Variants in AHI1 observed in about 807,000 individuals in gnomAD.
AHI1 encodes the protein Abelson helper integration site 1.
A neutral mutation model predicts 149.3 loss-of-function variants in AHI1; 123 were observed. That is an observed-to-expected ratio of 0.82 (90% CI 0.71 to 0.96). The LOEUF (loss-of-function observed/expected upper bound fraction) is 0.96, where lower values mean the gene tolerates loss of function less well. AHI1 is among the 40% of genes least tolerant of loss of function. AHI1 has a pLI of 0.00. For missense variants in AHI1, 1,439 were observed against 1,422.7 expected (o/e 1.01, Z -0.18); for synonymous variants, 475 against 459.8 (o/e 1.03, Z -0.42).
At chr6:135,340,560 A>G (rs541385153) in intron 24 of AHI1, among the ~76,000 whole-genome samples, 1 of 150,578 alleles carries the variant, frequency 6.6e-6, no homozygotes, top group Non-Finnish European at 1.5e-5. Context: ...GAAATGAAAG[A>G]GCACTGACAG....
intron 11 of AHI1, among the ~76,000 whole-genome samples, chr6:135,453,081 A>G (rs1403340530): frequency 6.6e-6 from 1 of 152,212 alleles, no homozygotes; most frequent in African/African-American, 2.4e-5. Flanking sequence ...TTTGAACTGA[A>G]TAAATAATGG....
chr6:135,341,512 T>G (rs1188894934), intron 24 of AHI1, among the ~76,000 whole-genome samples: 1 of 152,024 alleles, frequency 6.6e-6, no homozygotes, highest in East Asian at 1.9e-4. Context: ...ATGCTTCACT[T>G]AACAAAAGCA....
chr6:135,404,970 A>G lies in AHI1; in HGVS notation c.2969T>C (p.Ile990Thr). Reference sequence around the variant, plus strand: ...ACTTACTTTTGCAGCACAGGAACGTATCACCTCCTAAAAGAAATACAATAA... The same window carrying G: ...ACTTACTTTTGCAGCACAGGAACGTGTCACCTCCTAAAAGAAATACAATAA... ...KQRLETVTEV[I>T]RSCAAKVNKN... Residue 990 changes from isoleucine (I) to threonine (T), a missense_variant, in exon 22 of 29, where the codon ATA becomes ACA. By Grantham distance (89) the Ile-to-Thr change is moderately conservative. Transcript: ENST00000265602. 1 of 1,607,466 alleles carries G rather than the reference A, an allele frequency of 6.2e-7. No individual in the cohort carries two copies. Among genetic ancestry groups the G allele is most frequent in the Non-Finnish European group, 8.5e-7 (1 of 1,174,760 alleles).
intron 22 of AHI1, among the ~76,000 whole-genome samples, chr6:135,395,105 A>C (rs1433967618): frequency 6.6e-6 from 1 of 152,030 alleles, no homozygotes; most frequent in African/African-American, 2.4e-5. Context: ...GAACATAGCT[A>C]TATGAAAATA....
At chr6:135,336,520 C>A (rs553104460) in intron 24 of AHI1, among the ~76,000 whole-genome samples, 6 of 152,148 alleles carry the variant, frequency 3.9e-5, no homozygotes, top group Non-Finnish European at 8.8e-5. Context: ...ATAGCTTGAG[C>A]CCTGGAAGTC....
intron 5 of AHI1, among the ~76,000 whole-genome samples, chr6:135,475,483 T>C (rs952702482): frequency 2.6e-5 from 4 of 152,226 alleles, no homozygotes; most frequent in South Asian, 2.1e-4. Context: ...AGAAAGCTTA[T>C]GTTAGCAATG....
intron 18 of AHI1, among the ~76,000 whole-genome samples, 186 bp from the exon 19 acceptor site, chr6:135,428,945 G>T (rs1383337801): frequency 6.6e-6 from 1 of 151,598 alleles, no homozygotes. Flanking sequence ...AGAGCCCAGG[G>T]AGTTTATAAT....
intron 22 of AHI1, among the ~76,000 whole-genome samples, chr6:135,399,520 C>T (rs1779722377): frequency 6.6e-6 from 1 of 152,064 alleles, no homozygotes; most frequent in Admixed American, 6.6e-5. Context: ...TTCTGGGGAG[C>T]CATCTTCTCT....
intron 23 of AHI1, among the ~76,000 whole-genome samples, chr6:135,385,246 A>G (rs1389202140): frequency 1.3e-5 from 2 of 151,996 alleles, no homozygotes; most frequent in East Asian, 1.9e-4. Flanking sequence ...TCACTGGCAT[A>G]TGAGTTAAAG....
At chr6:135,358,302 A>T in intron 23 of AHI1, 115 bp from the exon 24 acceptor site, 2 of 900,934 alleles carry the variant, frequency 2.2e-6, no homozygotes, top group Non-Finnish European at 3.5e-6. Flanking sequence ...AGCTTCCAAG[A>T]AAAAAGTCTC....
At chr6:135,351,023 G>A (rs1392411008) in intron 24 of AHI1, among the ~76,000 whole-genome samples, 1 of 151,796 alleles carries the variant, frequency 6.6e-6, no homozygotes, top group African/African-American at 2.4e-5. Context: ...AGGGTTGCCC[G>A]AGATAGTCCC....
intron 23 of AHI1, among the ~76,000 whole-genome samples, chr6:135,376,177 T>C (rs1210666164): frequency 1.3e-5 from 2 of 152,052 alleles, no homozygotes; most frequent in Non-Finnish European, 2.9e-5. Context: ...GAAAACACCA[T>C]TTTGTATCCT....
chr6:135,415,138 T>C (rs112357869), intron 20 of AHI1, among the ~76,000 whole-genome samples: 1 of 152,020 alleles, frequency 6.6e-6, no homozygotes, highest in Non-Finnish European at 1.5e-5. Flanking sequence ...ACAAAGAACA[T>C]GAACTCATCA....
intron 28 of AHI1, among the ~76,000 whole-genome samples, chr6:135,285,957 G>A (rs1038814612): frequency 6.6e-6 from 1 of 152,098 alleles, no homozygotes. Context: ...CAAACCATAA[G>A]TAACTTCCAG....
chr6:135,385,131 T>C (rs1251430106), intron 23 of AHI1, among the ~76,000 whole-genome samples: 4 of 152,020 alleles, frequency 2.6e-5, no homozygotes, highest in Non-Finnish European at 1.5e-5. Context: ...TGAAATAAAA[T>C]TAAAAATTTA....
chr6:135,428,702 A>C lies in AHI1; in HGVS notation c.2550T>G (p.Thr850=). The C allele has an allele frequency of 6.2e-7, 1 of 1,608,626 alleles. No individual in the cohort carries two copies. Residue 850 remains threonine, a synonymous_variant, in exon 19 of 29, where the codon ACT becomes ACG. Transcript: ENST00000265602. ...AANYREKIHS[T]LTPCGTFLFA... is the part of the protein sequence containing the mutation. ...ACAGAAAAGTCCCACATGGAGTCAA[A>C]GTACTATGAATCTTCTCCCGATAAT...
rs1025580752 is a variant in AHI1 at position 135,370,675 on chromosome 6, C to T, written c.3110-12488G>A. Among the ~76,000 whole-genome samples the T allele has an allele frequency of 2.0e-5, 3 of 152,322 alleles. No homozygotes were observed. The East Asian group carries it at 5.8e-4, about 29-fold the overall frequency. On this transcript the variant is annotated intron_variant, in intron 23 of 28. Transcript: ENST00000265602. ...TTTTGTTTAGAATTCTCTGTGACCA[C>T]ATCTCTTTGATGGCTTTTTAGTTTA...
intron 24 of AHI1, among the ~76,000 whole-genome samples, chr6:135,326,891 C>G (rs934949080): frequency 6.6e-6 from 1 of 152,144 alleles, no homozygotes; most frequent in Non-Finnish European, 1.5e-5. Context: ...CTTCATCCCT[C>G]TCCCACCCTC....
intron 24 of AHI1, among the ~76,000 whole-genome samples, chr6:135,346,276 G>A (rs992089727): frequency 6.6e-6 from 1 of 152,060 alleles, no homozygotes; most frequent in Non-Finnish European, 1.5e-5. Flanking sequence ...CTCACTGCAA[G>A]CTCCACCTCC....
Sources: gnomAD v4.1 joint callset for allele counts (sites outside exome capture counted in the v4.1 genomes callset) on GRCh38, gnomAD v4.1.1 for gene constraint, MANE v1.5 for transcripts, NCBI Gene and HGNC (gene_info 2026-07-23, HGNC 2026-07-21) for gene names.